Variants in ARPC4 observed in about 807,000 individuals in gnomAD.
ARPC4 encodes the protein actin related protein 2/3 complex subunit 4, also known as actin-related protein 2/3 complex subunit 4.
In ARPC4, 3 loss-of-function variants were observed where a neutral mutation model predicts 22.8. That is an observed-to-expected ratio of 0.13 (90% CI 0.06 to 0.34). The LOEUF (loss-of-function observed/expected upper bound fraction) is 0.34. ARPC4 is among the 10% of genes least tolerant of loss of function. The pLI is 1.00. For synonymous variants in ARPC4, 80 were observed against 72.5 expected, an observed-to-expected ratio of 1.10 and a Z score of -0.52; for missense variants, 98 against 211.0, an observed-to-expected ratio of 0.46 and a Z score of 3.32.
In ARPC4 at chr3:9,806,288, C is replaced by G; in HGVS notation, c.*73C>G. ...TCCACGAAGGCGTCCTGGAGTCACT[C>G]CCCGAGCAGCGCGGCGGCGGCAGGG... On this transcript the variant is annotated 3_prime_UTR_variant, in exon 6 of 6. Transcript: ENST00000397261. 1.3e-6 allele frequency: 2 copies of G among 1,547,624 alleles called. No homozygotes were observed. The highest frequency in any genetic ancestry group is 1.8e-6 in the Non-Finnish European group (2 of 1,119,426).
chr3:9,799,643 A>G (rs551669304), intron 2 of ARPC4, among the ~76,000 whole-genome samples: 10 of 152,220 alleles, frequency 6.6e-5, no homozygotes, highest in African/African-American at 2.2e-4. Flanking sequence ...GGATATCACC[A>G]TGTTGGCCAG....
At chr3:9,803,606 T>C in intron 4 of ARPC4, 1 of 665,954 alleles carries the variant, frequency 1.5e-6, no homozygotes, top group East Asian at 2.9e-5. Flanking sequence ...ACAGATAGTT[T>C]TCCAGAGATG....
intron 5 of ARPC4, 150 bp from the exon 6 acceptor site, chr3:9,806,060 A>C: frequency 1.1e-6 from 1 of 884,088 alleles, no homozygotes; most frequent in Non-Finnish European, 1.9e-6. Context: ...TGGCTGAATT[A>C]GAGCATGACC....
At chr3:9,792,662 A>T, upstream of ARPC4, 1 of 1,232,198 alleles carries the variant, frequency 8.1e-7, no homozygotes, top group African/African-American at 1.6e-5. Context: ...GGCGGCCGAG[A>T]TCTCCGCGCT....
rs1424666007 is a variant in ARPC4 at position 9,806,468 on chromosome 3, G to A, written c.*253G>A. On this transcript the variant is annotated 3_prime_UTR_variant, in exon 6 of 6. Coordinates refer to ENST00000397261, the MANE Select transcript of ARPC4 (RefSeq NM_005718.5). The stretch of plus-strand genomic sequence containing the variant: ...TGGGCCGGGACAGATTTTTTTTAAC[G>A]TCTTGAAACTTAAACTCTGTGCTTG... 19 of 564,074 alleles carry A rather than the reference G, an allele frequency of 3.4e-5. No homozygotes were observed. Among genetic ancestry groups the A allele is most frequent in the African/African-American group, 9.6e-5 (5 of 52,180 alleles). 34.9% of individuals were successfully genotyped at this position (564,074 alleles called of 1,614,324 possible). A position where few individuals can be genotyped will look rare whatever the true frequency, so the allele number is the denominator to read the frequency against.
intron 5 of ARPC4, among the ~76,000 whole-genome samples, chr3:9,804,779 G>A (rs573853507): frequency 2.1e-4 from 32 of 152,268 alleles, no homozygotes; most frequent in African/African-American, 7.0e-4. Context: ...AATTATACCC[G>A]CTTCCCTTGG....
chr3:9,802,378 C>CTTTTT (rs55659302), intron 4 of ARPC4, among the ~76,000 whole-genome samples: 1 of 146,546 alleles, frequency 6.8e-6, no homozygotes. Flanking sequence ...GTCTCTCTCT[C>CTTTTT]TTTTTTTTTT....
At chr3:9,798,508 C>A (rs2078942607) in intron 2 of ARPC4, among the ~76,000 whole-genome samples, 1 of 152,098 alleles carries the variant, frequency 6.6e-6, no homozygotes, top group East Asian at 1.9e-4. Flanking sequence ...ATCTCTTGAG[C>A]CTGGGAAGCA....
chr3:9,796,818 G>A (rs1234102406), intron 1 of ARPC4, among the ~76,000 whole-genome samples: 9 of 151,780 alleles, frequency 5.9e-5, no homozygotes, highest in East Asian at 3.9e-4. Context: ...GTGGGCGCCT[G>A]TAGTCCCAGC....
intron 1 of ARPC4, among the ~76,000 whole-genome samples, chr3:9,796,539 A>G (rs2078891823): frequency 6.6e-6 from 1 of 152,234 alleles, no homozygotes; most frequent in South Asian, 2.1e-4. Flanking sequence ...AAAGAGGAGA[A>G]AAGCCTACAG....
At chr3:9,796,018 C>G (rs1391904547) in intron 1 of ARPC4, among the ~76,000 whole-genome samples, 1 of 152,170 alleles carries the variant, frequency 6.6e-6, no homozygotes, top group Non-Finnish European at 1.5e-5. Flanking sequence ...ATCACTTGAA[C>G]CCGGGAGGTG....
At position 9,807,000 on chromosome 3, in the gene ARPC4, G is replaced by C. The variant is rs935991735; in HGVS notation, c.*785G>C. The C allele has an allele frequency of 2.6e-5, 4 of 152,812 alleles. No homozygotes were observed. Among genetic ancestry groups the C allele is most frequent in the Admixed American group, 6.5e-5 (1 of 15,292 alleles). The allele number at this position is 152,812 out of a possible 1,614,324, so 9.5% of individuals were successfully genotyped here. On this transcript the variant is annotated 3_prime_UTR_variant, in exon 6 of 6. Coordinates refer to ENST00000397261, the MANE Select transcript of ARPC4 (RefSeq NM_005718.5). ...TCCTGGCCGGGCCCTCCTCCTGCCT[G>C]TTCTGGCTCCTCTGCTCCCACGCTA...
At chr3:9,795,545 G>A (rs2078864597) in intron 1 of ARPC4, among the ~76,000 whole-genome samples, 1 of 152,048 alleles carries the variant, frequency 6.6e-6, no homozygotes, top group East Asian at 1.9e-4. Context: ...GCCTACCGCT[G>A]CAGCCTCATT....
chr3:9,805,463 CTATGGAGTGGGCTGAG>C (rs1477866980), intron 5 of ARPC4, among the ~76,000 whole-genome samples: 5 of 152,200 alleles, frequency 3.3e-5, no homozygotes, highest in African/African-American at 4.8e-5. Flanking sequence ...GGTCGGGTAG[CTATGGAGTGGGCTGAG>C]TATGGAGTGG....
upstream of ARPC4, chr3:9,792,618 C>A: frequency 8.1e-7 from 1 of 1,230,436 alleles, no homozygotes; most frequent in Non-Finnish European, 1.0e-6. Context: ...TCAGGCGAGC[C>A]CCGGGGCACA....
intron 5 of ARPC4, among the ~76,000 whole-genome samples, chr3:9,805,763 A>G (rs2079095001): frequency 6.6e-6 from 1 of 152,206 alleles, no homozygotes; most frequent in Non-Finnish European, 1.5e-5. Flanking sequence ...GGCAGAAAAC[A>G]TTTCAAGGGC....
At chr3:9,795,430 A>G (rs1205447565) in intron 1 of ARPC4, among the ~76,000 whole-genome samples, 1 of 152,136 alleles carries the variant, frequency 6.6e-6, no homozygotes, top group Non-Finnish European at 1.5e-5. Flanking sequence ...ATGCAGCTGC[A>G]GTCATGAACT....
In ARPC4 at chr3:9,807,007, C is replaced by T. The variant is rs1056512; in HGVS notation, c.*792C>T. The stretch of plus-strand genomic sequence containing the variant: ...CGGGCCCTCCTCCTGCCTGTTCTGG[C>T]TCCTCTGCTCCCACGCTAGCTGTCC... On this transcript the variant is annotated 3_prime_UTR_variant, in exon 6 of 6. Coordinates refer to ENST00000397261, the MANE Select transcript of ARPC4 (RefSeq NM_005718.5). The T allele has an allele frequency of 6.5e-6, 1 of 152,756 alleles. No homozygotes were observed. The highest frequency in any genetic ancestry group is 2.1e-4 in the South Asian group (1 of 4,838). The allele number at this position is 152,756 out of a possible 1,614,324, so 9.5% of individuals were successfully genotyped here. A position where few individuals can be genotyped will look rare whatever the true frequency, so the allele number is the denominator to read the frequency against.
chr3:9,795,750 T>C (rs1044528423), intron 1 of ARPC4, among the ~76,000 whole-genome samples: 35 of 152,168 alleles, frequency 2.3e-4, no homozygotes, highest in African/African-American at 8.2e-4. Flanking sequence ...AAAATAGATA[T>C]GGTCTGTTGA....
Sources: gnomAD v4.1 joint callset for allele counts (sites outside exome capture counted in the v4.1 genomes callset) on GRCh38, gnomAD v4.1.1 for gene constraint, MANE v1.5 for transcripts, NCBI Gene and HGNC (gene_info 2026-07-23, HGNC 2026-07-21) for gene names.